The following UNC13C variants were observed in gnomAD, a reference collection of about 807,000 sequenced individuals.
UNC13C encodes the protein protein unc-13 homolog C.
In UNC13C, 174 loss-of-function variants were observed where a neutral mutation model predicts 245.4. The observed-to-expected ratio is 0.71, with a 90% CI of 0.63 to 0.80. UNC13C has a LOEUF of 0.80. UNC13C is among the 30% of genes least tolerant of loss of function. The pLI, the probability that UNC13C is intolerant of heterozygous loss-of-function variation, is 0.00. For missense variants in UNC13C, 2,829 were observed against 2,602.9 expected (o/e 1.09, Z -1.89); for synonymous variants, 992 against 895.1 (o/e 1.11, Z -1.93).
At chr15:54,151,414 T>A (rs2032510809) in intron 4 of UNC13C, among the ~76,000 whole-genome samples, 1 of 152,060 alleles carries the variant, frequency 6.6e-6, no homozygotes, top group South Asian at 2.1e-4. Context: ...TTTTATTCCT[T>A]TTTTTTCTGA....
At chr15:54,043,491 A>G (rs545646919) in intron 2 of UNC13C, among the ~76,000 whole-genome samples, 2 of 152,320 alleles carry the variant, frequency 1.3e-5, no homozygotes, top group South Asian at 4.1e-4. Context: ...TGGAGGCTGT[A>G]GGATTCTGTC....
Position 54,627,048 on chromosome 15 carries a change from G to A in UNC13C, c.6580G>A (p.Asp2194Asn). 6.2e-7 allele frequency: 1 copy of A among 1,613,228 alleles called. No individual in the cohort carries two copies. Among genetic ancestry groups the A allele is most frequent in the South Asian group, 1.1e-5 (1 of 91,050 alleles). The change falls in exon 33 of 33, where the codon GAT becomes AAT. Residue 2194 changes from aspartate to asparagine, a missense_variant. By Grantham distance (23) the Asp-to-Asn change is conservative (BLOSUM62 1). Transcript: ENST00000260323. ...ILRILSQRTS[D>N]DVAKEFVRLK... Reference sequence around the variant, plus strand: ...TAGAATACTCTCTCAGAGGACCAGTGATGATGTGGCTAAAGAATTTGTAAG... The same window carrying A: ...TAGAATACTCTCTCAGAGGACCAGTAATGATGTGGCTAAAGAATTTGTAAG...
the UNC13C span, among the ~76,000 whole-genome samples, chr15:53,896,433 A>G: frequency 7.2e-5 from 11 of 152,114 alleles, no homozygotes; most frequent in Non-Finnish European, 1.5e-5. Flanking sequence ...TTTGTTTAGC[A>G]AAGGTGTCAT....
the UNC13C span, among the ~76,000 whole-genome samples, chr15:53,838,492 T>C: frequency 6.6e-6 from 1 of 152,078 alleles, no homozygotes; most frequent in Admixed American, 6.6e-5. Flanking sequence ...TATGAATAGA[T>C]GTTTAATTTT....
At chr15:54,042,710 G>A (rs1383131203) in intron 2 of UNC13C, among the ~76,000 whole-genome samples, 2 of 152,072 alleles carry the variant, frequency 1.3e-5, no homozygotes, top group African/African-American at 2.4e-5. Flanking sequence ...GAAATTAGCC[G>A]GGCATGGTGG....
At chr15:54,497,055 C>T (rs921340681) in intron 20 of UNC13C, among the ~76,000 whole-genome samples, 2 of 152,022 alleles carry the variant, frequency 1.3e-5, no homozygotes, top group African/African-American at 4.8e-5. Context: ...TTGGTAGTAT[C>T]ATTGATCAGG....
intron 2 of UNC13C, among the ~76,000 whole-genome samples, chr15:54,105,066 C>T (rs1431517708): frequency 6.6e-6 from 1 of 152,204 alleles, no homozygotes; most frequent in Non-Finnish European, 1.5e-5. Context: ...TATACACCTG[C>T]TCCTATGGTT....
At chr15:53,972,074 TA>T in the UNC13C span, among the ~76,000 whole-genome samples, 1 of 152,208 alleles carries the variant, frequency 6.6e-6, no homozygotes, top group Non-Finnish European at 1.5e-5. Flanking sequence ...ATTTGTGATT[TA>T]GCTTTTGGTA....
Position 54,157,057 on chromosome 15 carries a change from A to G in UNC13C, c.3071+13373A>G, listed in dbSNP as rs139252893. Among the ~76,000 whole-genome samples, 7 of 152,246 alleles carry G rather than the reference A, an allele frequency of 4.6e-5. No homozygotes were observed. The East Asian group carries it at 9.7e-4, about 21-fold the overall frequency. ...GAACTTGAGCTGTTTCTCTGGGATC[A>G]GGGCAAAACTGCTGAGTTCCCCTCT... On this transcript the variant is annotated intron_variant, in intron 4 of 32. Transcript: ENST00000260323.
At chr15:53,894,252 G>A in the UNC13C span, among the ~76,000 whole-genome samples, 2 of 152,170 alleles carry the variant, frequency 1.3e-5, no homozygotes, top group Admixed American at 1.3e-4. Flanking sequence ...TGTCAATCGC[G>A]CTGGGAGCTG....
At chr15:54,083,430 G>A (rs577859900) in intron 2 of UNC13C, among the ~76,000 whole-genome samples, 2 of 152,250 alleles carry the variant, frequency 1.3e-5, no homozygotes, top group East Asian at 1.9e-4. Context: ...TAGGGAGAGG[G>A]AGTTGGGCCC....
intron 32 of UNC13C, among the ~76,000 whole-genome samples, chr15:54,626,425 CGAG>C (rs10565518): frequency 0.55 from 82,777 of 149,586 alleles, 23,790 homozygotes; most frequent in Middle Eastern, 0.68. Context: ...AGGTAAAGTG[CGAG>C]GAGTAGTAAC....
At chr15:53,852,053 G>A in the UNC13C span, among the ~76,000 whole-genome samples, 1 of 152,184 alleles carries the variant, frequency 6.6e-6, no homozygotes, top group African/African-American at 2.4e-5. Flanking sequence ...CTTGAAGCTG[G>A]TCAGTCAGAA....
chr15:54,590,554 A>G (rs1356653507), intron 30 of UNC13C, among the ~76,000 whole-genome samples: 3 of 152,106 alleles, frequency 2.0e-5, no homozygotes, highest in Non-Finnish European at 4.4e-5. Flanking sequence ...GTTTGCAGCA[A>G]TTGTAAAAGG....
the UNC13C span, among the ~76,000 whole-genome samples, chr15:53,863,770 C>T: frequency 6.6e-6 from 1 of 152,310 alleles, no homozygotes; most frequent in East Asian, 1.9e-4. Context: ...ACTTGTGTAT[C>T]TTCACCCTCA....
chr15:54,524,518 G>T (rs60912017), intron 24 of UNC13C, among the ~76,000 whole-genome samples: 11,830 of 152,154 alleles, frequency 0.078, 557 homozygotes, highest in Admixed American at 0.13. Context: ...GTCACATCAG[G>T]ACAACTTAGA....
At chr15:54,508,678 TG>T (rs2141112475) in intron 23 of UNC13C, among the ~76,000 whole-genome samples, 1 of 152,314 alleles carries the variant, frequency 6.6e-6, no homozygotes, top group East Asian at 1.9e-4. Flanking sequence ...GAATATCACT[TG>T]GTTACTAGGC....
intron 24 of UNC13C, among the ~76,000 whole-genome samples, chr15:54,514,309 A>T (rs898317692): frequency 6.6e-6 from 1 of 152,210 alleles, no homozygotes; most frequent in Non-Finnish European, 1.5e-5. Context: ...AAGTTATACA[A>T]TGTGTTCTAA....
At chr15:54,061,538 G>A (rs1463721286) in intron 2 of UNC13C, among the ~76,000 whole-genome samples, 1 of 152,140 alleles carries the variant, frequency 6.6e-6, no homozygotes, top group African/African-American at 2.4e-5. Context: ...GAAGTATACA[G>A]CCCCTATGTC....
Sources: gnomAD v4.1 joint callset for allele counts (sites outside exome capture counted in the v4.1 genomes callset) on GRCh38, gnomAD v4.1.1 for gene constraint, MANE v1.5 for transcripts, NCBI Gene and HGNC (gene_info 2026-07-23, HGNC 2026-07-21) for gene names.